Variants in PTPN3 observed in about 807,000 individuals in gnomAD.
The protein encoded by PTPN3 is tyrosine-protein phosphatase non-receptor type 3.
Under a neutral mutation model 132.7 loss-of-function variants are expected in PTPN3, and 96 were observed. The observed-to-expected ratio is 0.72, with a 90% confidence interval of 0.61 to 0.86. The LOEUF (loss-of-function observed/expected upper bound fraction) is 0.86. Among genes scored for constraint, PTPN3 ranks in the 40% least tolerant of loss-of-function variants. The pLI, the probability that PTPN3 is intolerant of heterozygous loss-of-function variation, is 0.00. For synonymous variants in PTPN3, 398 were observed against 429.0 expected (o/e 0.93, Z 0.89); for missense variants, 1,125 against 1,159.6 (o/e 0.97, Z 0.43).
At chr9:109,437,141 T>C (rs1401098971) in intron 8 of PTPN3, among the ~76,000 whole-genome samples, 171 bp from the exon 9 acceptor site, 1 of 147,960 alleles carries the variant, frequency 6.8e-6, no homozygotes, top group Non-Finnish European at 1.5e-5. Context: ...TTTTTATTCT[T>C]ATCCATTGAA....
intron 15 of PTPN3, 57 bp downstream of exon 15, chr9:109,410,172 A>T: frequency 6.2e-7 from 1 of 1,611,276 alleles, no homozygotes. Context: ...TCAGCTGCCC[A>T]CAAGAGGCCG....
At chr9:109,432,382 T>C (rs1386830533) in intron 10 of PTPN3, among the ~76,000 whole-genome samples, 1 of 152,192 alleles carries the variant, frequency 6.6e-6, no homozygotes, top group Non-Finnish European at 1.5e-5. Context: ...CTTTTCCATC[T>C]GCATCTCCTG....
chr9:109,454,741 C>T (rs1399200338), intron 4 of PTPN3, among the ~76,000 whole-genome samples, 167 bp from the exon 5 acceptor site: 1 of 152,190 alleles, frequency 6.6e-6, no homozygotes, highest in Non-Finnish European at 1.5e-5. Flanking sequence ...TTTCAGAAAT[C>T]TCCAAGTCTT....
At chr9:109,521,737 A>G in the PTPN3 span, among the ~76,000 whole-genome samples, 2 of 152,232 alleles carry the variant, frequency 1.3e-5, no homozygotes, top group African/African-American at 4.8e-5. Context: ...TTGAATTTCC[A>G]CAAAAGCAAA....
At chr9:109,439,385 A>G (rs1177285462) in intron 7 of PTPN3, among the ~76,000 whole-genome samples, 1 of 150,868 alleles carries the variant, frequency 6.6e-6, no homozygotes, top group Non-Finnish European at 1.5e-5. Context: ...TAAAAAAAAA[A>G]TTAGTCCTGA....
intron 10 of PTPN3, among the ~76,000 whole-genome samples, chr9:109,430,977 C>T (rs1237374094): frequency 1.3e-5 from 2 of 152,254 alleles, no homozygotes; most frequent in Non-Finnish European, 2.9e-5. Flanking sequence ...GTGCCTTACC[C>T]TGCATGCTTA....
intron 5 of PTPN3, among the ~76,000 whole-genome samples, chr9:109,453,845 TAA>T (rs11353536): frequency 0.12 from 15,778 of 135,688 alleles, 1,504 homozygotes; most frequent in East Asian, 0.27. Flanking sequence ...CCATCTCCGT[TAA>T]AAAAAAAAAA....
the PTPN3 span, among the ~76,000 whole-genome samples, chr9:109,523,786 C>T: frequency 2.4e-5 from 1 of 42,478 alleles, no homozygotes; most frequent in East Asian, 4.9e-3. Context: ...GACAAACACA[C>T]ACATAGTGTA....
intron 14 of PTPN3, chr9:109,417,568 A>C: frequency 1.0e-6 from 1 of 982,142 alleles, no homozygotes; most frequent in Non-Finnish European, 1.2e-6. Context: ...CACCAGGTAC[A>C]GACCAGTCTG....
chr9:109,387,634 G>A (rs1169921492), intron 22 of PTPN3, among the ~76,000 whole-genome samples: 4 of 152,148 alleles, frequency 2.6e-5, no homozygotes, highest in Non-Finnish European at 2.9e-5. Flanking sequence ...TTCTAGTGAT[G>A]AGGCAACTGA....
At chr9:109,380,552 A>G (rs573486216) in intron 25 of PTPN3, among the ~76,000 whole-genome samples, 5 of 152,330 alleles carry the variant, frequency 3.3e-5, no homozygotes, top group Admixed American at 3.3e-4. Flanking sequence ...CACCGTGCCC[A>G]GCTTCCAGCT....
In PTPN3 at chr9:109,381,102, G is replaced by T. The variant is rs555545899; in HGVS notation, c.2664+550C>A. Among the ~76,000 whole-genome samples, 3 of 152,316 alleles carry T rather than the reference G, an allele frequency of 2.0e-5. No individual in the cohort carries two copies. In the South Asian group the frequency reaches 6.2e-4, roughly 32 times the overall value. On this transcript the variant is annotated intron_variant, in intron 25 of 25. Transcript: ENST00000374541. ...GAGAGAGGTTCAGGACTTATGCAAA[G>T]GTTGTTCCATTTGTGGTGGGACCTT...
At chr9:109,434,773 G>A (rs17201500) in intron 9 of PTPN3, among the ~76,000 whole-genome samples, 4,468 of 152,218 alleles carry the variant, frequency 0.029, 161 homozygotes, top group East Asian at 0.2. Flanking sequence ...TTTTTATCTG[G>A]CTGAAATGAG....
intron 7 of PTPN3, among the ~76,000 whole-genome samples, chr9:109,443,093 T>G (rs1844610427): frequency 1.3e-5 from 2 of 150,908 alleles, no homozygotes; most frequent in African/African-American, 4.9e-5. Flanking sequence ...TTTTTTTTTT[T>G]GAGACAGGGT....
intron 14 of PTPN3, among the ~76,000 whole-genome samples, chr9:109,420,065 A>G (rs572765308): frequency 2.0e-4 from 30 of 152,348 alleles, no homozygotes; most frequent in African/African-American, 3.1e-4. Context: ...TTAATAATCT[A>G]GAGAAATCAG....
chr9:109,389,323 C>G lies in PTPN3; in HGVS notation c.2163G>C (p.Leu721=), dbSNP rs147976452. The change falls in exon 22 of 26, where the codon CTG becomes CTC. Residue 721 remains leucine (L), a synonymous_variant. Coordinates refer to ENST00000374541, the MANE Select transcript of PTPN3 (RefSeq NM_002829.4). ...GCCAAAACTGTGCACAGGTATGCGG[C>G]AGGGGCCCCTGAGTGGCGATGTACT... ...VNKYIATQGP[L]PHTCAQFWQV... is the part of the protein sequence containing the mutation. The G allele has an allele frequency of 8.7e-6, 14 of 1,614,052 alleles. No individual in the cohort carries two copies. The African/African-American group carries it at 1.6e-4, about 18-fold the overall frequency.
chr9:109,380,715 C>T (rs1352858361), intron 25 of PTPN3, among the ~76,000 whole-genome samples: 1 of 152,102 alleles, frequency 6.6e-6, no homozygotes, highest in African/African-American at 2.4e-5. Flanking sequence ...ATAAAACTAC[C>T]AAAGCTTAAA....
rs369218150 is a variant in PTPN3 at position 109,402,356 on chromosome 9, G to A, written c.1953+2092C>T. The stretch of plus-strand genomic sequence containing the variant: ...TCACCTAGGCTGATCTTGTCTCACC[G>A]CAACCTCCGCCTCCTGGGTTCAAGT... On this transcript the variant is annotated intron_variant, in intron 19 of 25. Transcript: ENST00000374541. Among the ~76,000 whole-genome samples the A allele has an allele frequency of 3.3e-5, 5 of 151,806 alleles. No homozygotes were observed. The South Asian group carries it at 6.2e-4, about 19-fold the overall frequency.
intron 10 of PTPN3, chr9:109,429,128 T>C: frequency 3.4e-6 from 3 of 880,410 alleles, no homozygotes; most frequent in Non-Finnish European, 4.1e-6. Context: ...TAACAGAATT[T>C]AGTCACCATT....
Sources: gnomAD v4.1 joint callset for allele counts (sites outside exome capture counted in the v4.1 genomes callset) on GRCh38, gnomAD v4.1.1 for gene constraint, MANE v1.5 for transcripts, NCBI Gene and HGNC (gene_info 2026-07-23, HGNC 2026-07-21) for gene names.